Variants in MAPK10 observed in about 807,000 individuals in gnomAD.
MAPK10 encodes mitogen-activated protein kinase 10.
In MAPK10, 25 loss-of-function variants were observed where a neutral mutation model predicts 59.3. The observed-to-expected ratio is 0.42, with a 90% CI of 0.31 to 0.59. The LOEUF (loss-of-function observed/expected upper bound fraction) is 0.59, where lower values mean the gene tolerates loss of function less well. MAPK10 is among the 20% of genes least tolerant of loss of function. MAPK10 has a pLI of 0.15. For missense variants in MAPK10, 351 were observed against 568.9 expected (o/e 0.62, Z 3.90); for synonymous variants, 190 against 200.5 (o/e 0.95, Z 0.44).
intron 11 of MAPK10, among the ~76,000 whole-genome samples, chr4:86,035,535 G>A (rs1328925839): frequency 6.7e-6 from 1 of 150,372 alleles, no homozygotes; most frequent in Non-Finnish European, 1.5e-5. Context: ...GCCATTGCAC[G>A]ATCTATAAAA....
intron 1 of MAPK10, among the ~76,000 whole-genome samples, chr4:86,540,665 G>C (rs899312786): frequency 2.0e-5 from 3 of 152,180 alleles, no homozygotes; most frequent in African/African-American, 7.2e-5. Context: ...ATTCTTGCCT[G>C]ATAGCAAGGA....
chr4:86,556,063 T>C (rs192986319), intron 1 of MAPK10, among the ~76,000 whole-genome samples: 16 of 152,358 alleles, frequency 1.1e-4, no homozygotes, highest in African/African-American at 2.9e-4. Flanking sequence ...GCATTTTATC[T>C]GGTCATTTAA....
At chr4:86,026,978 A>T (rs974592168) in intron 13 of MAPK10, 1 of 152,156 alleles carries the variant, frequency 6.6e-6, no homozygotes, top group Non-Finnish European at 1.5e-5. Context: ...CACGTTGCCA[A>T]CACACCAACA....
chr4:86,342,792 C>T (rs545913840), intron 2 of MAPK10, among the ~76,000 whole-genome samples: 1 of 152,298 alleles, frequency 6.6e-6, no homozygotes, highest in East Asian at 1.9e-4. Context: ...GACCCTCCTA[C>T]TCAGATTTTT....
intron 2 of MAPK10, among the ~76,000 whole-genome samples, chr4:86,245,884 C>G (rs1164967171): frequency 6.6e-6 from 1 of 152,098 alleles, no homozygotes; most frequent in Non-Finnish European, 1.5e-5. Context: ...TCTAATTAAA[C>G]CCCAAAATAT....
At chr4:86,202,844 C>T (rs1047889534) in intron 2 of MAPK10, among the ~76,000 whole-genome samples, 1 of 151,974 alleles carries the variant, frequency 6.6e-6, no homozygotes, top group African/African-American at 2.4e-5. Context: ...CAGTGTAACA[C>T]CATAGCTAAA....
At chr4:86,341,708 A>G (rs767538848) in intron 2 of MAPK10, among the ~76,000 whole-genome samples, 1 of 152,094 alleles carries the variant, frequency 6.6e-6, no homozygotes, top group Non-Finnish European at 1.5e-5. Context: ...CAATTATGTT[A>G]TCACAAATTA....
At chr4:86,478,043 T>G (rs1278548839) in intron 1 of MAPK10, among the ~76,000 whole-genome samples, 1 of 152,188 alleles carries the variant, frequency 6.6e-6, no homozygotes, top group African/African-American at 2.4e-5. Flanking sequence ...AAAACACACG[T>G]GCTTTCCCCA....
intron 1 of MAPK10, among the ~76,000 whole-genome samples, chr4:86,566,789 G>C (rs1761090028): frequency 6.6e-6 from 1 of 151,876 alleles, no homozygotes; most frequent in Non-Finnish European, 1.5e-5. Flanking sequence ...TGGTAATCAG[G>C]CTAGATGCAG....
chr4:86,470,459 T>TA (rs1428284816), intron 1 of MAPK10, among the ~76,000 whole-genome samples: 1 of 152,194 alleles, frequency 6.6e-6, no homozygotes, highest in Non-Finnish European at 1.5e-5. Flanking sequence ...AACCTCTTTT[T>TA]ATTCATAAAA....
intron 2 of MAPK10, among the ~76,000 whole-genome samples, chr4:86,216,634 T>A (rs1008089026): frequency 6.6e-6 from 1 of 151,852 alleles, no homozygotes; most frequent in African/African-American, 2.4e-5. Flanking sequence ...TTATTTATAA[T>A]AAAATAATAG....
Position 86,501,290 on chromosome 4 carries a change from T to C in MAPK10, c.-263+92620A>G, listed in dbSNP as rs556647876. Among the ~76,000 whole-genome samples the C allele has an allele frequency of 4.9e-4, 74 of 152,178 alleles. 1 individual carries two copies. Among genetic ancestry groups the C allele is most frequent in the African/African-American group, 1.8e-3 (74 of 41,560 alleles). On this transcript the variant is annotated intron_variant, in intron 1 of 4. Coordinates refer to the MAPK10 transcript ENST00000502302. ...CTATGTTCAGGTGCAGGCTATTTTA[T>C]ATATAGTCTTCAACAGCTTTCAACC...
chr4:86,513,803 C>T (rs766946577), intron 1 of MAPK10, among the ~76,000 whole-genome samples: 2 of 152,136 alleles, frequency 1.3e-5, no homozygotes, highest in African/African-American at 2.4e-5. Flanking sequence ...ATACTGGCCA[C>T]GCACTTTGAG....
In MAPK10 at chr4:86,029,213, T is replaced by C; in HGVS notation, c.1236A>G (p.Gly412=). Residue 412 remains glycine, a synonymous_variant, in exon 13 of 14, where the codon GGA becomes GGG. Transcript: ENST00000641462. ...EEKTKNGVVK[G]QPSPSGAAVN... is the part of the protein sequence containing the mutation. ...AGTGAGTACCTGAAGGAGAAGGCTG[T>C]CCTTTTACTACACCATTTTTAGTCT... 1 of 1,609,778 alleles carries C rather than the reference T, an allele frequency of 6.2e-7. No homozygotes were observed. Among genetic ancestry groups the C allele is most frequent in the Non-Finnish European group, 8.5e-7 (1 of 1,176,390 alleles).
intron 1 of MAPK10, among the ~76,000 whole-genome samples, chr4:86,483,475 C>T (rs1296926748): frequency 2.6e-5 from 4 of 151,940 alleles, no homozygotes; most frequent in Admixed American, 2.6e-4. Context: ...CTTCATGAAA[C>T]GTGCAAATTC....
rs142162788 is a variant in MAPK10 at position 86,403,886 on chromosome 4, A to T, written c.-122+49144T>A. 6.1e-3 allele frequency among the ~76,000 whole-genome samples: 934 copies of T among 152,236 alleles called. 12 individuals are homozygous for T. Among genetic ancestry groups the T allele is most frequent in the African/African-American group, 0.021 (888 of 41,546 alleles). ...AGATAAGATTTCGGTAGGGACACAG[A>T]TCTAAACCATATCAGAGCCTTTGCC... On this transcript the variant is annotated intron_variant, in intron 1 of 13. Coordinates refer to the MAPK10 transcript ENST00000361569.
At position 86,016,118 on chromosome 4, in the gene MAPK10, C is replaced by A. The variant is rs1291595304; in HGVS notation, c.*1110G>T. The A allele has an allele frequency of 6.6e-6, 1 of 152,188 alleles. No individual in the cohort carries two copies. The highest frequency in any genetic ancestry group is 1.5e-5 in the Non-Finnish European group (1 of 68,042). The allele number at this position is 152,188 out of a possible 1,614,324, so 9.4% of individuals were successfully genotyped here. A position where few individuals can be genotyped will look rare whatever the true frequency, so the allele number is the denominator to read the frequency against. ...AGGAATTCACATGGAGGCAATTCTG[C>A]TCAGTTCCAGAGAGAGATTCTTATC... is the stretch of plus-strand genomic sequence containing the variant. On this transcript the variant is annotated 3_prime_UTR_variant, in exon 14 of 14. Coordinates refer to ENST00000641462, the MANE Select transcript of MAPK10 (RefSeq NM_138982.4).
At chr4:86,151,950 C>T (rs1274380359) in intron 4 of MAPK10, 1 of 152,208 alleles carries the variant, frequency 6.6e-6, no homozygotes, top group Non-Finnish European at 1.5e-5. Flanking sequence ...GTCATGGTCA[C>T]TTCAAATCTA....
At chr4:86,346,764 G>A (rs1197026469) in intron 2 of MAPK10, among the ~76,000 whole-genome samples, 1 of 148,472 alleles carries the variant, frequency 6.7e-6, no homozygotes, top group Non-Finnish European at 1.5e-5. Context: ...ACATCTAAGT[G>A]GACCCACACA....
Sources: allele counts gnomAD v4.1 joint callset (sites outside exome capture counted in the v4.1 genomes callset), GRCh38; gene constraint gnomAD v4.1.1; transcripts MANE v1.5; gene names NCBI Gene and HGNC (gene_info 2026-07-23, HGNC 2026-07-21).